The following VAT1L variants were observed in gnomAD, a reference collection of about 807,000 sequenced individuals.
The protein encoded by VAT1L is vesicle amine transport 1 like.
A neutral mutation model predicts 44.1 loss-of-function variants in VAT1L; 34 were observed. The observed-to-expected ratio is 0.77, with a 90% CI of 0.59 to 1.03. The LOEUF is 1.03. VAT1L is among the 50% of genes least tolerant of loss of function. VAT1L has a pLI of 0.00. For missense variants in VAT1L, 615 were observed against 538.8 expected (o/e 1.14, Z -1.40); for synonymous variants, 253 against 202.2 (o/e 1.25, Z -2.13).
intron 7 of VAT1L, among the ~76,000 whole-genome samples, chr16:77,896,579 C>T (rs1024395517): frequency 3.3e-5 from 5 of 152,186 alleles, no homozygotes; most frequent in Admixed American, 3.3e-4. Context: ...TATTTGAGGT[C>T]AGGGACTCTT....
At chr16:77,925,081 T>G (rs573610218) in intron 7 of VAT1L, among the ~76,000 whole-genome samples, 1 of 152,280 alleles carries the variant, frequency 6.6e-6, no homozygotes, top group East Asian at 1.9e-4. Flanking sequence ...AATGTTCAGC[T>G]TATAGGTAGT....
chr16:77,881,592 C>T (rs1217814743), intron 6 of VAT1L, among the ~76,000 whole-genome samples: 1 of 152,216 alleles, frequency 6.6e-6, no homozygotes, highest in African/African-American at 2.4e-5. Context: ...GTGCCAACAT[C>T]AGCTTCCAGA....
chr16:77,849,706 G>A (rs546738413), intron 3 of VAT1L, among the ~76,000 whole-genome samples: 1 of 152,154 alleles, frequency 6.6e-6, no homozygotes, highest in South Asian at 2.1e-4. Context: ...ATCCCAGTAG[G>A]AATTTCTATC....
chr16:77,927,863 T>A (rs953286041), intron 7 of VAT1L, among the ~76,000 whole-genome samples: 2 of 152,180 alleles, frequency 1.3e-5, no homozygotes, highest in African/African-American at 4.8e-5. Flanking sequence ...AGACTCCGTC[T>A]CAAAATAAAT....
chr16:77,813,820 G>A (rs562713309), intron 1 of VAT1L, among the ~76,000 whole-genome samples: 10 of 152,272 alleles, frequency 6.6e-5, no homozygotes, highest in East Asian at 1.9e-4. Flanking sequence ...ATGGGTTCCC[G>A]TCTAGATTAT....
intron 1 of VAT1L, among the ~76,000 whole-genome samples, chr16:77,799,017 A>G (rs1248411897): frequency 1.3e-5 from 2 of 152,036 alleles, no homozygotes; most frequent in African/African-American, 4.8e-5. Flanking sequence ...TCCTGCTGCA[A>G]TGAGCTTCCT....
intron 7 of VAT1L, among the ~76,000 whole-genome samples, chr16:77,963,518 G>C (rs1265122246): frequency 6.6e-6 from 1 of 152,132 alleles, no homozygotes; most frequent in African/African-American, 2.4e-5. Flanking sequence ...TTGACCTCCA[G>C]AACGGTAAGA....
intron 7 of VAT1L, among the ~76,000 whole-genome samples, chr16:77,889,365 C>A (rs1254498720): frequency 6.6e-6 from 1 of 152,132 alleles, no homozygotes; most frequent in Non-Finnish European, 1.5e-5. Context: ...ACTAAATGTG[C>A]AGCTGTACGT....
At chr16:77,839,694 A>G (rs1005270883) in intron 3 of VAT1L, among the ~76,000 whole-genome samples, 5 of 152,062 alleles carry the variant, frequency 3.3e-5, no homozygotes, top group Non-Finnish European at 2.9e-5. Context: ...GGGCGGGATC[A>G]GCAATCTATC....
At chr16:77,903,275 C>T (rs768342026) in intron 7 of VAT1L, among the ~76,000 whole-genome samples, 7 of 152,116 alleles carry the variant, frequency 4.6e-5, no homozygotes, top group South Asian at 2.1e-4. Context: ...ATATTCCCCC[C>T]GCTATGTAAG....
chr16:77,921,603 C>T (rs909029882), intron 7 of VAT1L, among the ~76,000 whole-genome samples: 2 of 152,148 alleles, frequency 1.3e-5, no homozygotes, highest in Admixed American at 6.5e-5. Flanking sequence ...TTTATCTGTT[C>T]CTCTTACCTG....
In VAT1L at chr16:77,857,238, C is replaced by T. The variant is rs569115681; in HGVS notation, c.580-5510C>T. Among the ~76,000 whole-genome samples, 49 of 152,290 alleles carry T rather than the reference C, an allele frequency of 3.2e-4. 1 individual carries two copies. Among genetic ancestry groups the T allele is most frequent in the Middle Eastern group, 3.4e-3 (1 of 294 alleles). ...TTTATGTTCTGGTTCTGGAGGTAAA[C>T]TGCAAGGTCCTTTTTATTGAAAGTT... On this transcript the variant is annotated intron_variant, in intron 3 of 8. Coordinates refer to ENST00000302536, the MANE Select transcript of VAT1L (RefSeq NM_020927.3).
intron 7 of VAT1L, among the ~76,000 whole-genome samples, chr16:77,917,286 G>A (rs1053832233): frequency 1.3e-5 from 2 of 152,076 alleles, no homozygotes; most frequent in African/African-American, 4.8e-5. Context: ...AAAAGGAAGG[G>A]GCAAGCCATC....
intron 1 of VAT1L, chr16:77,801,647 C>G (rs1002465800): frequency 1.3e-5 from 2 of 151,656 alleles, no homozygotes; most frequent in African/African-American, 4.9e-5. Flanking sequence ...ATACTCCTAC[C>G]CCTCCTCCCA....
intron 7 of VAT1L, among the ~76,000 whole-genome samples, chr16:77,922,617 A>G (rs1284346601): frequency 1.3e-5 from 2 of 152,150 alleles, no homozygotes; most frequent in Non-Finnish European, 2.9e-5. Context: ...GAAGTAGGGA[A>G]ACAGCCTCGA....
intron 8 of VAT1L, among the ~76,000 whole-genome samples, chr16:77,974,142 T>C (rs2018310023): frequency 6.6e-6 from 1 of 152,206 alleles, no homozygotes. Context: ...AAGTGACTGA[T>C]ACAACATGGA....
intron 7 of VAT1L, among the ~76,000 whole-genome samples, chr16:77,940,094 G>C (rs1218504700): frequency 6.6e-6 from 1 of 152,150 alleles, no homozygotes; most frequent in African/African-American, 2.4e-5. Context: ...ATGGTTTAAA[G>C]AGTCTCAACA....
intron 8 of VAT1L, among the ~76,000 whole-genome samples, chr16:77,977,175 T>C (rs1186358599): frequency 6.6e-6 from 1 of 152,178 alleles, no homozygotes; most frequent in Non-Finnish European, 1.5e-5. Context: ...TCACCTCCCC[T>C]GAGAGCAGCC....
intron 3 of VAT1L, among the ~76,000 whole-genome samples, chr16:77,849,231 G>A (rs1012951389): frequency 1.4e-4 from 21 of 152,198 alleles, no homozygotes; most frequent in Non-Finnish European, 2.5e-4. Context: ...ACTTAGGTAC[G>A]TGGCACATAA....
Sources: allele counts gnomAD v4.1 joint callset (sites outside exome capture counted in the v4.1 genomes callset), GRCh38; gene constraint gnomAD v4.1.1; transcripts MANE v1.5; gene names NCBI Gene and HGNC (gene_info 2026-07-23, HGNC 2026-07-21).